Variants in ANKRD36B observed in about 807,000 individuals in gnomAD.
ANKRD36B encodes ankyrin repeat domain-containing protein 36B.
A neutral mutation model predicts 135.7 loss-of-function variants in ANKRD36B; 37 were observed. The ratio of observed to expected loss-of-function variants is 0.27; its 90% CI spans 0.21 to 0.36. ANKRD36B has a LOEUF of 0.36. Ranked by LOEUF, ANKRD36B falls within the 10% of genes least tolerant of loss-of-function variation. The probability of loss-of-function intolerance (pLI) is 1.00; values close to 1 mark genes in which losing one functional copy is unlikely to be tolerated. For synonymous variants in ANKRD36B, 179 were observed against 348.1 expected, an observed-to-expected ratio of 0.51 and a Z score of 5.41; for missense variants, 549 against 1,037.1, an observed-to-expected ratio of 0.53 and a Z score of 6.46.
chr2:97,528,554 A>G (rs2078359535), intron 35 of ANKRD36B, among the ~76,000 whole-genome samples: 2 of 92,896 alleles, frequency 2.2e-5, no homozygotes, highest in African/African-American at 6.5e-5. Context: ...AACTAAAATC[A>G]GAGCAGAACT....
intron 8 of ANKRD36B, among the ~76,000 whole-genome samples, chr2:97,559,878 T>C (rs1270385864): frequency 1.3e-5 from 2 of 151,944 alleles, no homozygotes; most frequent in Non-Finnish European, 2.9e-5. Flanking sequence ...TTTCATTAAG[T>C]AGCTATTTTA....
chr2:97,498,207 T>C lies in ANKRD36B; in HGVS notation c.*7-5352A>G, dbSNP rs2077323911. Reference sequence around the variant, plus strand: ...GGGACTCAATCAAACAACCCAACTTTCATATAATATCAGTTTCTGAAGGAG... The same window carrying C: ...GGGACTCAATCAAACAACCCAACTTCCATATAATATCAGTTTCTGAAGGAG... On this transcript the variant is annotated intron_variant, in intron 43 of 43. Transcript: ENST00000359901. 2.3e-5 allele frequency among the ~76,000 whole-genome samples: 2 copies of C among 85,928 alleles called. 1 individual carries two copies. The highest frequency in any genetic ancestry group is 4.5e-4 in the East Asian group (2 of 4,414). 56.4% of individuals were successfully genotyped at this position (85,928 alleles called of 152,430 possible).
chr2:97,535,243 T>C (rs1576863770), intron 34 of ANKRD36B, among the ~76,000 whole-genome samples: 1 of 101,214 alleles, frequency 9.9e-6, no homozygotes, highest in South Asian at 2.3e-4. Context: ...ATGAATAAAA[T>C]GTAGCATTTT....
intron 6 of ANKRD36B, among the ~76,000 whole-genome samples, chr2:97,566,366 T>C (rs907017590): frequency 2.6e-5 from 4 of 151,966 alleles, no homozygotes; most frequent in African/African-American, 9.6e-5. Flanking sequence ...TTAGACCTTA[T>C]AGGAAAAAAA....
chr2:97,558,092 A>C (rs922465355), intron 10 of ANKRD36B, among the ~76,000 whole-genome samples: 11 of 151,998 alleles, frequency 7.2e-5, no homozygotes, highest in Non-Finnish European at 1.5e-4. Context: ...ACGCATATTC[A>C]TGTTTATCTC....
intron 12 of ANKRD36B, 111 bp downstream of exon 12, chr2:97,556,826 C>A: frequency 1.4e-6 from 2 of 1,477,816 alleles, no homozygotes; most frequent in Non-Finnish European, 1.8e-6. Flanking sequence ...AATCTCAGGC[C>A]TGCTGAATCA....
intron 18 of ANKRD36B, among the ~76,000 whole-genome samples, 182 bp downstream of exon 18, chr2:97,551,107 A>G (rs752654893): frequency 6.6e-6 from 1 of 151,832 alleles, no homozygotes; most frequent in Non-Finnish European, 1.5e-5. Flanking sequence ...GTATAATCTT[A>G]CAGCCAAGAT....
In ANKRD36B at chr2:97,571,444, G is replaced by C. The variant is rs527574308; in HGVS notation, c.763+4935C>G. On this transcript the variant is annotated intron_variant, in intron 6 of 43. Transcript: ENST00000359901. ...GGGCGGATCACAAGGTCAGGAGATG[G>C]AGACCATCCTGGCTAACACAGTGAA... Among the ~76,000 whole-genome samples the C allele has an allele frequency of 7.7e-4, 117 of 152,114 alleles. 1 individual carries two copies. Among genetic ancestry groups the C allele is most frequent in the African/African-American group, 2.0e-3 (83 of 41,486 alleles).
At chr2:97,579,216 T>G (rs1273624114) in intron 4 of ANKRD36B, among the ~76,000 whole-genome samples, 173 bp from the exon 5 acceptor site, 1 of 148,936 alleles carries the variant, frequency 6.7e-6, no homozygotes, top group Non-Finnish European at 1.5e-5. Flanking sequence ...CCACAAAGGT[T>G]AAAAGCAAGG....
intron 18 of ANKRD36B, among the ~76,000 whole-genome samples, 167 bp from the exon 19 acceptor site, chr2:97,549,781 G>T (rs1194093660): frequency 2.0e-5 from 3 of 151,942 alleles, no homozygotes; most frequent in Non-Finnish European, 4.4e-5. Flanking sequence ...AATGCACTGA[G>T]AAAAGGGAAT....
chr2:97,555,444 C>T (rs1340216063), intron 12 of ANKRD36B, among the ~76,000 whole-genome samples, 190 bp from the exon 13 acceptor site: 1 of 151,680 alleles, frequency 6.6e-6, no homozygotes, highest in Admixed American at 6.6e-5. Context: ...ACAAAACAAA[C>T]CCTTACAATG....
rs1348344443 is a variant in ANKRD36B at position 97,526,352 on chromosome 2, T to C, written c.2266-2885A>G. On this transcript the variant is annotated intron_variant, in intron 35 of 43. Coordinates refer to ENST00000359901, the MANE Select transcript of ANKRD36B (RefSeq NM_001393939.1). The stretch of plus-strand genomic sequence containing the variant: ...ACCTGCAGCTGAGGGTCCTGTCTGG[T>C]AGAAGGAAAACTAACAAACAGAAAG... Among the ~76,000 whole-genome samples, 2 of 97,126 alleles carry C rather than the reference T, an allele frequency of 2.1e-5. 1 individual carries two copies. The highest frequency in any genetic ancestry group is 4.6e-4 in the East Asian group (2 of 4,344). The allele number at this position is 97,126 out of a possible 152,430, so 63.7% of individuals were successfully genotyped here.
intron 16 of ANKRD36B, 42 bp from the exon 17 acceptor site, chr2:97,551,522 T>C (rs367810469): frequency 3.7e-5 from 59 of 1,606,112 alleles, no homozygotes; most frequent in Non-Finnish European, 4.9e-5. Flanking sequence ...TATGTAACTA[T>C]GACAAAGTTA....
At chr2:97,560,393 A>G (rs548389472) in intron 8 of ANKRD36B, among the ~76,000 whole-genome samples, 2 of 151,988 alleles carry the variant, frequency 1.3e-5, no homozygotes, top group Admixed American at 1.3e-4. Context: ...AAGTAAAATT[A>G]TGCTGCTCCC....
intron 35 of ANKRD36B, chr2:97,524,740 C>A (rs2078100587): frequency 1.0e-5 from 1 of 97,242 alleles, no homozygotes; most frequent in South Asian, 2.3e-4. Flanking sequence ...GTAATTTTCA[C>A]AAATTTCACT....
rs2080409551 is a variant in ANKRD36B, at chr2:97,555,242, T to C, written c.1082A>G (p.Lys361Arg). ...GGKSGTVSSQKQPASKTASDK... is the reference protein window; with the variant it reads ...GGKSGTVSSQRQPASKTASDK... ...TTTAATTACCTTTGAGGCTGGTTGT[T>C]TCTGAGAAGACACTGAAAAGCAAAA... Residue 361 changes from lysine to arginine, a missense_variant, in exon 13 of 44, where the codon AAA becomes AGA. Coordinates refer to ENST00000359901, the MANE Select transcript of ANKRD36B (RefSeq NM_001393939.1). The C allele has an allele frequency of 5.0e-6, 8 of 1,611,264 alleles. No homozygotes were observed. The highest frequency in any genetic ancestry group is 6.8e-6 in the Non-Finnish European group (8 of 1,178,290).
At chr2:97,561,579 C>T (rs1260253340) in intron 6 of ANKRD36B, among the ~76,000 whole-genome samples, 1 of 151,804 alleles carries the variant, frequency 6.6e-6, no homozygotes, top group Admixed American at 6.6e-5. Flanking sequence ...ATTTGACATA[C>T]TTTTACAAAA....
intron 10 of ANKRD36B, among the ~76,000 whole-genome samples, chr2:97,558,579 A>G (rs1401321149): frequency 6.6e-6 from 1 of 151,920 alleles, no homozygotes; most frequent in Non-Finnish European, 1.5e-5. Context: ...TGGCTCTCCA[A>G]CGTTTCTTCT....
chr2:97,553,405 T>C (rs752475086), intron 14 of ANKRD36B, 34 bp from the exon 15 acceptor site: 2 of 1,596,964 alleles, frequency 1.3e-6, no homozygotes, highest in Admixed American at 1.7e-5. Context: ...ATCACTCATA[T>C]GTAAATATGA....
Sources: allele counts gnomAD v4.1 joint callset (sites outside exome capture counted in the v4.1 genomes callset), GRCh38; gene constraint gnomAD v4.1.1; transcripts MANE v1.5; gene names NCBI Gene and HGNC (gene_info 2026-07-23, HGNC 2026-07-21).